The following TTC28 variants were observed in gnomAD, a reference collection of about 807,000 sequenced individuals.
TTC28 encodes tetratricopeptide repeat domain 28, also known as tetratricopeptide repeat protein 28.
A neutral mutation model predicts 198.0 loss-of-function variants in TTC28; 61 were observed. That is an observed-to-expected ratio of 0.31 (90% confidence interval 0.25 to 0.38). The LOEUF is 0.38. TTC28 is among the 10% of genes least tolerant of loss of function. The pLI, the probability that TTC28 is intolerant of heterozygous loss-of-function variation, is 1.00. For synonymous variants in TTC28, 1,171 were observed against 1,297.8 expected (o/e 0.90, Z 2.10); for missense variants, 2,678 against 3,164.0 (o/e 0.85, Z 3.69).
At chr22:28,548,202 C>G (rs2049584623) in intron 2 of TTC28, among the ~76,000 whole-genome samples, 1 of 152,222 alleles carries the variant, frequency 6.6e-6, no homozygotes, top group South Asian at 2.1e-4. Flanking sequence ...TACGGCCTAG[C>G]CCCATATCAT....
At chr22:28,003,936 C>A (rs1337998442) in intron 14 of TTC28, among the ~76,000 whole-genome samples, 1 of 152,208 alleles carries the variant, frequency 6.6e-6, no homozygotes, top group African/African-American at 2.4e-5. Flanking sequence ...CCGTCATGTG[C>A]CTACTGGGGA....
intron 2 of TTC28, among the ~76,000 whole-genome samples, chr22:28,546,942 G>C (rs924191078): frequency 6.6e-6 from 1 of 152,138 alleles, no homozygotes; most frequent in Admixed American, 6.5e-5. Context: ...TATAGTGACA[G>C]AAAGCAGGTC....
At chr22:28,182,660 T>A (rs1194403451) in intron 5 of TTC28, among the ~76,000 whole-genome samples, 1 of 152,176 alleles carries the variant, frequency 6.6e-6, no homozygotes, top group Admixed American at 6.5e-5. Flanking sequence ...TAGCTCCTAA[T>A]ATAGGCTAAG....
chr22:28,305,699 G>A (rs982094964), intron 3 of TTC28, among the ~76,000 whole-genome samples: 2 of 152,054 alleles, frequency 1.3e-5, no homozygotes, highest in African/African-American at 2.4e-5. Context: ...ATTAGCTGTC[G>A]ACTGTCTACC....
chr22:28,410,366 TA>T (rs1306005632), intron 2 of TTC28, among the ~76,000 whole-genome samples: 2 of 152,232 alleles, frequency 1.3e-5, no homozygotes, highest in African/African-American at 4.8e-5. Context: ...TTAAATAATT[TA>T]AAATCACCTC....
At chr22:28,047,800 G>A (rs1270568358) in intron 12 of TTC28, among the ~76,000 whole-genome samples, 1 of 152,176 alleles carries the variant, frequency 6.6e-6, no homozygotes, top group Non-Finnish European at 1.5e-5. Context: ...CAAGTGAAGA[G>A]GAAGAGGGAT....
chr22:28,343,345 C>T (rs1300549356), intron 2 of TTC28, among the ~76,000 whole-genome samples: 1 of 152,018 alleles, frequency 6.6e-6, no homozygotes, highest in East Asian at 1.9e-4. Flanking sequence ...GCTTGGCCAA[C>T]ATGGTGAGAC....
At chr22:28,676,803 G>C (rs577351883) in intron 1 of TTC28, among the ~76,000 whole-genome samples, 14 of 151,634 alleles carry the variant, frequency 9.2e-5, no homozygotes, top group Admixed American at 5.9e-4. Flanking sequence ...AGGATCACTT[G>C]AGGTCAAGAC....
chr22:28,678,876 CTTGT>C (rs911354228), intron 1 of TTC28, among the ~76,000 whole-genome samples: 4 of 152,268 alleles, frequency 2.6e-5, no homozygotes, highest in African/African-American at 4.8e-5. Flanking sequence ...AACTTCGGAG[CTTGT>C]TTAAGTTCAA....
chr22:28,390,072 C>G (rs2046689350), intron 2 of TTC28, among the ~76,000 whole-genome samples: 1 of 151,424 alleles, frequency 6.6e-6, no homozygotes, highest in East Asian at 1.9e-4. Context: ...CAAAGAACAT[C>G]TTTATTTCTG....
intron 5 of TTC28, among the ~76,000 whole-genome samples, chr22:28,240,850 G>C (rs567028469): frequency 6.6e-6 from 1 of 152,222 alleles, no homozygotes; most frequent in African/African-American, 2.4e-5. Flanking sequence ...GACAATTTGA[G>C]TAGCAAATCA....
intron 2 of TTC28, among the ~76,000 whole-genome samples, chr22:28,339,530 G>C (rs2045792892): frequency 6.6e-6 from 1 of 152,206 alleles, no homozygotes. Context: ...GAGCTACAGT[G>C]GGCTCCACTC....
In TTC28 at chr22:28,086,485, A is replaced by G. The variant is rs1447419066; in HGVS notation, c.3932+7595T>C. On this transcript the variant is annotated intron_variant, in intron 12 of 22. Transcript: ENST00000397906. ...ACCAATGAGAACAAAGACACAACAT[A>G]CCATAATCTCTGGGACACGTTCAAA... Among the ~76,000 whole-genome samples the G allele has an allele frequency of 1.7e-4, 26 of 152,302 alleles. No homozygotes were observed. In the East Asian group the frequency reaches 4.6e-3, roughly 27 times the overall value.
rs560172914 is a variant in TTC28, at chr22:28,283,561, T to A, written c.933+12637A>T. ...CAGAAGGCTCAATTTTCTCACAAAGTCAAAAATAGTCTTTTCTTTTGGTCA... is the reference window on the plus strand; with the variant it reads ...CAGAAGGCTCAATTTTCTCACAAAGACAAAAATAGTCTTTTCTTTTGGTCA... On this transcript the variant is annotated intron_variant, in intron 5 of 22. Transcript: ENST00000397906. Among the ~76,000 whole-genome samples the A allele has an allele frequency of 2.0e-4, 30 of 152,234 alleles. No homozygotes were observed. In the South Asian group the frequency reaches 4.1e-3, roughly 21 times the overall value.
chr22:28,296,740 T>G (rs1202639923), intron 4 of TTC28, among the ~76,000 whole-genome samples: 1 of 152,218 alleles, frequency 6.6e-6, no homozygotes, highest in East Asian at 1.9e-4. Flanking sequence ...TGGTGGTAGA[T>G]GCACCTTATC....
At chr22:28,502,859 T>C (rs1342261847) in intron 2 of TTC28, among the ~76,000 whole-genome samples, 1 of 152,174 alleles carries the variant, frequency 6.6e-6, no homozygotes, top group African/African-American at 2.4e-5. Flanking sequence ...TATATCTTAT[T>C]AATAAAAATT....
At chr22:28,449,646 A>T (rs974828027) in intron 2 of TTC28, among the ~76,000 whole-genome samples, 3 of 152,220 alleles carry the variant, frequency 2.0e-5, no homozygotes, top group Admixed American at 6.5e-5. Flanking sequence ...TACAATGATG[A>T]GCCAGAACAA....
At chr22:28,518,542 G>A (rs2048837121) in intron 2 of TTC28, among the ~76,000 whole-genome samples, 1 of 152,150 alleles carries the variant, frequency 6.6e-6, no homozygotes. Flanking sequence ...CTCAAGCAGT[G>A]AGGTTACAAC....
intron 12 of TTC28, among the ~76,000 whole-genome samples, chr22:28,041,267 A>C (rs980251930): frequency 6.6e-6 from 1 of 152,238 alleles, no homozygotes; most frequent in South Asian, 2.1e-4. Context: ...AAGAGCCTGC[A>C]TTGCCAAGAC....
Sources: allele counts gnomAD v4.1 joint callset (sites outside exome capture counted in the v4.1 genomes callset), GRCh38; gene constraint gnomAD v4.1.1; transcripts MANE v1.5; gene names NCBI Gene and HGNC (gene_info 2026-07-23, HGNC 2026-07-21).